Variants in APBB2 observed in about 807,000 individuals in gnomAD.
The protein encoded by APBB2 is amyloid beta precursor protein binding family B member 2.
A neutral mutation model predicts 82.5 loss-of-function variants in APBB2; 38 were observed. The ratio of observed to expected loss-of-function variants is 0.46; its 90% confidence interval spans 0.36 to 0.60. The LOEUF (loss-of-function observed/expected upper bound fraction) is 0.60. Among genes scored for constraint, APBB2 ranks in the 20% least tolerant of loss-of-function variants. The probability of loss-of-function intolerance (pLI) is 0.00; values close to 1 mark genes in which losing one functional copy is unlikely to be tolerated. For synonymous variants in APBB2, 341 were observed against 368.2 expected (o/e 0.93, Z 0.85); for missense variants, 772 against 972.3 (o/e 0.79, Z 2.74).
intron 6 of APBB2, among the ~76,000 whole-genome samples, chr4:40,956,193 A>C (rs78215932): frequency 0.014 from 2,063 of 152,120 alleles, 50 homozygotes; most frequent in African/African-American, 0.048. Flanking sequence ...AGAATATAGC[A>C]AGCAGGGCTC....
intron 1 of APBB2, among the ~76,000 whole-genome samples, chr4:41,160,034 A>G (rs1014457554): frequency 1.4e-5 from 2 of 146,900 alleles, no homozygotes; most frequent in Admixed American, 6.7e-5. Context: ...AAGAAGAAGA[A>G]GAAAACATCA....
chr4:41,119,662 G>A (rs75721710), intron 2 of APBB2, among the ~76,000 whole-genome samples: 75 of 151,396 alleles, frequency 5.0e-4, no homozygotes, highest in Non-Finnish European at 7.4e-4. Context: ...TACTATATCC[G>A]ATTCCTGCCT....
At chr4:41,006,244 G>C (rs538626248) in intron 6 of APBB2, among the ~76,000 whole-genome samples, 1 of 152,088 alleles carries the variant, frequency 6.6e-6, no homozygotes, top group Admixed American at 6.5e-5. Flanking sequence ...AATCTTACTC[G>C]GAAAACACAC....
At chr4:40,925,114 C>T (rs543146968) in intron 10 of APBB2, among the ~76,000 whole-genome samples, 7 of 152,274 alleles carry the variant, frequency 4.6e-5, no homozygotes, top group East Asian at 3.9e-4. Context: ...AATATGCCCC[C>T]GGAACAACCC....
intron 3 of APBB2, among the ~76,000 whole-genome samples, chr4:41,073,673 G>T (rs1261642962): frequency 6.6e-6 from 1 of 151,990 alleles, no homozygotes; most frequent in Non-Finnish European, 1.5e-5. Flanking sequence ...TTTCTCCGTG[G>T]TAATGGTCTC....
chr4:41,164,548 C>A (rs1218511818), intron 1 of APBB2, among the ~76,000 whole-genome samples: 1 of 152,150 alleles, frequency 6.6e-6, no homozygotes, highest in Non-Finnish European at 1.5e-5. Context: ...TCCCTTTGTA[C>A]CAGACAGCAC....
At chr4:40,819,770 T>C (rs1180059987) in intron 17 of APBB2, among the ~76,000 whole-genome samples, 1 of 152,162 alleles carries the variant, frequency 6.6e-6, no homozygotes, top group Non-Finnish European at 1.5e-5. Flanking sequence ...CACTTCTTTT[T>C]CTTCCCAGTT....
At position 41,193,666 on chromosome 4, in the gene APBB2, A is replaced by G; in HGVS notation, c.-417+20739T>C. On this transcript the variant is annotated intron_variant, in intron 1 of 17. Transcript: ENST00000508593. ...CAGGTCTCCCAGGACCCAGTTGGAT[A>G]CAGAACCACCACTGCTGCTGTTACA... 0.015 allele frequency: 8,242 copies of G among 566,270 alleles called. 648 individuals are homozygous for G. The African/African-American group carries it at 0.16, about 11-fold the overall frequency. 35.1% of individuals were successfully genotyped at this position (566,270 alleles called of 1,614,324 possible).
At chr4:41,139,844 A>T (rs1210221950) in intron 2 of APBB2, among the ~76,000 whole-genome samples, 1 of 152,220 alleles carries the variant, frequency 6.6e-6, no homozygotes, top group Non-Finnish European at 1.5e-5. Flanking sequence ...TACAACTTAT[A>T]TATTTATGAA....
chr4:41,125,531 CG>C (rs955251542), intron 2 of APBB2, among the ~76,000 whole-genome samples: 2 of 151,568 alleles, frequency 1.3e-5, no homozygotes, highest in African/African-American at 2.4e-5. Flanking sequence ...TAGGATACAT[CG>C]AAAAAAAACA....
chr4:41,212,657 T>C (rs1214336541), intron 1 of APBB2, among the ~76,000 whole-genome samples: 2 of 152,206 alleles, frequency 1.3e-5, no homozygotes, highest in Non-Finnish European at 2.9e-5. Flanking sequence ...GAGACGTGGT[T>C]ACATCCAGTT....
intron 7 of APBB2, among the ~76,000 whole-genome samples, chr4:40,942,548 A>G (rs553013497): frequency 6.6e-6 from 1 of 152,306 alleles, no homozygotes; most frequent in African/African-American, 2.4e-5. Flanking sequence ...CTGCCTCAGG[A>G]GACTCCTGAG....
Position 41,013,737 on chromosome 4 carries a change from T to A in APBB2, c.681A>T (p.Ser227=), listed in dbSNP as rs562013023. Residue 227 remains serine (S), a synonymous_variant, in exon 6 of 18, where the codon TCA becomes TCT. Coordinates refer to ENST00000508593, the MANE Select transcript of APBB2 (RefSeq NM_004307.2). The stretch of plus-strand genomic sequence containing the variant: ...GATCCTTCTTGGTTTCTGGGCTGGA[T>A]GACACTGTGGCTACTTGGCCGTCTT... ...SPEDGQVATV[S]SSPETKKDHP... 1 of 1,614,214 alleles carries A rather than the reference T, an allele frequency of 6.2e-7. No individual in the cohort carries two copies. The highest frequency in any genetic ancestry group is 1.1e-5 in the South Asian group (1 of 91,082).
At chr4:40,933,626 C>T (rs1476759222) in intron 10 of APBB2, among the ~76,000 whole-genome samples, 1 of 152,102 alleles carries the variant, frequency 6.6e-6, no homozygotes, top group Non-Finnish European at 1.5e-5. Flanking sequence ...ATGTCTCTTC[C>T]GCGGTAGAGG....
At chr4:40,836,083 TG>T (rs2154307159) in intron 12 of APBB2, among the ~76,000 whole-genome samples, 1 of 152,080 alleles carries the variant, frequency 6.6e-6, no homozygotes, top group African/African-American at 2.4e-5. Context: ...ACCAAGCAGG[TG>T]GGTGCTGGGA....
At position 40,982,330 on chromosome 4, in the gene APBB2, A is replaced by G. The variant is rs866748259; in HGVS notation, c.835+31253T>C. Reference sequence around the variant, plus strand: ...GGAAAGAAAGAAAGAAAGAAAAGAAAGAAGGAAGGAAGGAAGGAAGGAAGG... The same window carrying G: ...GGAAAGAAAGAAAGAAAGAAAAGAAGGAAGGAAGGAAGGAAGGAAGGAAGG... On this transcript the variant is annotated intron_variant, in intron 6 of 17. Coordinates refer to ENST00000508593, the MANE Select transcript of APBB2 (RefSeq NM_004307.2). Among the ~76,000 whole-genome samples the G allele has an allele frequency of 2.2e-3, 52 of 23,604 alleles. 5 individuals are homozygous for G. Among genetic ancestry groups the G allele is most frequent in the South Asian group, 0.012 (7 of 592 alleles). 15.5% of individuals were successfully genotyped at this position (23,604 alleles called of 152,430 possible). A position where few individuals can be genotyped will look rare whatever the true frequency, so the allele number is the denominator to read the frequency against.
chr4:41,141,314 C>CTGTG lies in APBB2; in HGVS notation c.-261+1669_-261+1672dup, dbSNP rs754627377. On this transcript the variant is annotated intron_variant, in intron 2 of 17. Transcript: ENST00000508593. ...TTGCAGGTCAAAAATATGTGTGTGT[C>CTGTG]TGTGTGTGTGTGTGTGTCTGTGTGT... 5.4e-4 allele frequency among the ~76,000 whole-genome samples: 15 copies of CTGTG among 27,656 alleles called. No individual in the cohort carries two copies. In the East Asian group the frequency reaches 0.033, roughly 61 times the overall value. 18.1% of individuals were successfully genotyped at this position (27,656 alleles called of 152,430 possible).
chr4:41,115,501 C>T (rs1457596222), intron 2 of APBB2, among the ~76,000 whole-genome samples: 1 of 152,100 alleles, frequency 6.6e-6, no homozygotes, highest in Non-Finnish European at 1.5e-5. Flanking sequence ...AGAGCTTCTG[C>T]ACAGCAAGGG....
chr4:40,963,223 TC>T (rs1793746929), intron 6 of APBB2, among the ~76,000 whole-genome samples: 1 of 152,112 alleles, frequency 6.6e-6, no homozygotes, highest in East Asian at 1.9e-4. Flanking sequence ...TCAAACTCAT[TC>T]CATTACTTTT....
Sources: gnomAD v4.1 joint callset for allele counts (sites outside exome capture counted in the v4.1 genomes callset) on GRCh38, gnomAD v4.1.1 for gene constraint, MANE v1.5 for transcripts, NCBI Gene and HGNC (gene_info 2026-07-23, HGNC 2026-07-21) for gene names.